TRIP12: variants seen among roughly 807,000 people sequenced by gnomAD.
TRIP12 encodes the protein E3 ubiquitin-protein ligase TRIP12.
A neutral mutation model predicts 244.2 loss-of-function variants in TRIP12; 25 were observed. The observed-to-expected ratio is 0.10, with a 90% CI of 0.07 to 0.14. The LOEUF (loss-of-function observed/expected upper bound fraction) is 0.14, where lower values mean the gene tolerates loss of function less well. Among genes scored for constraint, TRIP12 ranks in the 10% least tolerant of loss-of-function variants. The pLI is 1.00. For missense variants in TRIP12, 1,677 were observed against 2,486.4 expected, an observed-to-expected ratio of 0.67 and a Z score of 6.92; for synonymous variants, 905 against 873.1, an observed-to-expected ratio of 1.04 and a Z score of -0.64.
At chr2:229,785,138 T>C (rs1007769553) in intron 34 of TRIP12, among the ~76,000 whole-genome samples, 1 of 152,222 alleles carries the variant, frequency 6.6e-6, no homozygotes, top group Non-Finnish European at 1.5e-5. Context: ...AATTGACACA[T>C]GCAACATGGA....
At chr2:229,801,662 T>C (rs541657171) in intron 21 of TRIP12, among the ~76,000 whole-genome samples, 205 of 152,332 alleles carry the variant, frequency 1.3e-3, no homozygotes, top group South Asian at 2.9e-3. Flanking sequence ...AATGGAAGTT[T>C]TGGAAACATT....
chr2:229,914,681 C>T (rs2075036139), intron 1 of TRIP12, among the ~76,000 whole-genome samples: 1 of 152,090 alleles, frequency 6.6e-6, no homozygotes, highest in African/African-American at 2.4e-5. Context: ...GAGCACTGCC[C>T]ACGGCTAGAG....
Position 229,788,953 on chromosome 2 carries a change from TAAAA to T in TRIP12, c.4696-17_4696-14del. On this transcript the variant is annotated splice_polypyrimidine_tract_variant and intron_variant, in intron 31 of 41. Transcript: ENST00000675903. ...TGCACATTGCATTCTGTAAAATGTT[TAAAA>T]AAAAAAAAGTCTACATGTAGTAAAA... 20 of 1,223,692 alleles carry T rather than the reference TAAAA, an allele frequency of 1.6e-5. No individual in the cohort carries two copies. Among genetic ancestry groups the T allele is most frequent in the African/African-American group, 3.1e-5 (2 of 63,776 alleles). 75.8% of individuals were successfully genotyped at this position (1,223,692 alleles called of 1,614,324 possible). A position where few individuals can be genotyped will look rare whatever the true frequency, so the allele number is the denominator to read the frequency against.
intron 5 of TRIP12, among the ~76,000 whole-genome samples, chr2:229,837,299 G>A (rs191991611): frequency 9.9e-5 from 15 of 152,218 alleles, no homozygotes; most frequent in Admixed American, 8.5e-4. Flanking sequence ...AATTCAATTC[G>A]TTTAAAATAG....
At chr2:229,906,303 CAAAA>C (rs34519454) in intron 1 of TRIP12, among the ~76,000 whole-genome samples, 1 of 98,974 alleles carries the variant, frequency 1.0e-5, no homozygotes. Flanking sequence ...GAGACTGTCT[CAAAA>C]AAAAAAAAAA....
At chr2:229,898,664 T>C (rs371321857) in intron 1 of TRIP12, among the ~76,000 whole-genome samples, 2 of 152,174 alleles carry the variant, frequency 1.3e-5, no homozygotes, top group East Asian at 3.8e-4. Context: ...AAAAAGATTC[T>C]TCTCTAAAAT....
At chr2:229,912,741 A>T (rs2074563911) in intron 1 of TRIP12, among the ~76,000 whole-genome samples, 1 of 152,222 alleles carries the variant, frequency 6.6e-6, no homozygotes, top group Non-Finnish European at 1.5e-5. Flanking sequence ...CGTAAGTTTC[A>T]ACTCATCTAC....
At chr2:229,878,336 G>T (rs1383710739) in intron 2 of TRIP12, among the ~76,000 whole-genome samples, 1 of 151,642 alleles carries the variant, frequency 6.6e-6, no homozygotes, top group Non-Finnish European at 1.5e-5. Context: ...TGAAATCCCA[G>T]CTACTTGGGA....
chr2:229,797,237 A>T (rs2043032457), intron 24 of TRIP12, among the ~76,000 whole-genome samples: 1 of 152,108 alleles, frequency 6.6e-6, no homozygotes, highest in Non-Finnish European at 1.5e-5. Flanking sequence ...CAAAATAAAT[A>T]AATAAATAAA....
chr2:229,912,434 G>A (rs192095073), intron 1 of TRIP12, among the ~76,000 whole-genome samples: 1 of 152,146 alleles, frequency 6.6e-6, no homozygotes, highest in African/African-American at 2.4e-5. Context: ...TCCCATTTAA[G>A]AACTTCAATA....
intron 2 of TRIP12, among the ~76,000 whole-genome samples, chr2:229,879,290 C>T (rs534642445): frequency 9.9e-5 from 15 of 152,228 alleles, no homozygotes; most frequent in Admixed American, 6.5e-4. Context: ...ACAAGCTAAA[C>T]GTAATCAATG....
intron 1 of TRIP12, among the ~76,000 whole-genome samples, chr2:229,919,418 A>C (rs541435185): frequency 3.3e-5 from 5 of 152,266 alleles, no homozygotes; most frequent in African/African-American, 9.6e-5. Flanking sequence ...CTGCTTTAAA[A>C]AAAAAAAAAG....
At chr2:229,869,212 AC>A (rs753824189) in intron 2 of TRIP12, among the ~76,000 whole-genome samples, 1 of 152,154 alleles carries the variant, frequency 6.6e-6, no homozygotes, top group Non-Finnish European at 1.5e-5. Context: ...CCCTATTTCA[AC>A]CCTTCCTTAC....
chr2:229,797,685 A>C lies in TRIP12; in HGVS notation c.3624+5T>G, dbSNP rs1308365649. The C allele has an allele frequency of 6.2e-7, 1 of 1,613,172 alleles. No homozygotes were observed. Among genetic ancestry groups the C allele is most frequent in the East Asian group, 2.2e-5 (1 of 44,874 alleles). ...AAGACCAGCAAAATGCACTGGACACAGCACCTGGAGGTTGAGTTGTTCGGT... is the reference window on the plus strand; with the variant it reads ...AAGACCAGCAAAATGCACTGGACACCGCACCTGGAGGTTGAGTTGTTCGGT... On this transcript the variant is annotated splice_donor_5th_base_variant and intron_variant, in intron 24 of 41. Coordinates refer to ENST00000675903, the MANE Select transcript of TRIP12 (RefSeq NM_001348323.3).
chr2:229,781,063 G>C (rs192524365), intron 34 of TRIP12, among the ~76,000 whole-genome samples: 132 of 152,280 alleles, frequency 8.7e-4, no homozygotes, highest in Non-Finnish European at 1.7e-3. Context: ...TTTCTAAAAG[G>C]ATTCTTAAAA....
chr2:229,890,962 G>T (rs754664787), intron 1 of TRIP12, among the ~76,000 whole-genome samples: 3 of 152,206 alleles, frequency 2.0e-5, no homozygotes, highest in South Asian at 4.2e-4. Flanking sequence ...TCAGAATGGG[G>T]GTATGGGAAA....
intron 13 of TRIP12, among the ~76,000 whole-genome samples, chr2:229,811,558 T>C (rs1456532772): frequency 3.9e-5 from 6 of 152,130 alleles, no homozygotes; most frequent in Non-Finnish European, 5.9e-5. Context: ...CAAGTAGAAA[T>C]GTTTAAGTGG....
chr2:229,786,840 T>C (rs1399705241), intron 33 of TRIP12, among the ~76,000 whole-genome samples: 8 of 152,152 alleles, frequency 5.3e-5, no homozygotes, highest in Non-Finnish European at 1.0e-4. Context: ...TATGAAACTT[T>C]TGGAGATAAA....
chr2:229,797,547 C>A, intron 24 of TRIP12, 143 bp downstream of exon 24: 1 of 886,182 alleles, frequency 1.1e-6, no homozygotes, highest in Non-Finnish European at 1.6e-6. Flanking sequence ...AAAAGAAATG[C>A]CAGCACCAAG....
Sources: allele counts gnomAD v4.1 joint callset (sites outside exome capture counted in the v4.1 genomes callset), GRCh38; gene constraint gnomAD v4.1.1; transcripts MANE v1.5; gene names NCBI Gene and HGNC (gene_info 2026-07-23, HGNC 2026-07-21).